CIAO1: variants seen among roughly 807,000 people sequenced by gnomAD.
The protein encoded by CIAO1 is cytosolic iron-sulfur assembly component 1, also known as probable cytosolic iron-sulfur protein assembly protein CIAO1.
In CIAO1, 32 loss-of-function variants were observed where a neutral mutation model predicts 43.1. That is an observed-to-expected ratio of 0.74 (90% CI 0.56 to 1.00). CIAO1 has a LOEUF of 1.00. Ranked by LOEUF, CIAO1 falls within the 50% of genes least tolerant of loss-of-function variation. CIAO1 has a pLI of 0.00. For synonymous variants in CIAO1, 183 were observed against 171.4 expected (o/e 1.07, Z -0.53); for missense variants, 415 against 437.4 (o/e 0.95, Z 0.46).
chr2:96,268,955 T>C (rs566730848), intron 5 of CIAO1: 2 of 565,968 alleles, frequency 3.5e-6, no homozygotes, highest in African/African-American at 3.7e-5. Flanking sequence ...TGGTAATGCA[T>C]TTAAATGGGG....
chr2:96,268,466 T>C lies in CIAO1; in HGVS notation c.499T>C (p.Ser167Pro). The C allele has an allele frequency of 6.2e-7, 1 of 1,614,184 alleles. No individual in the cohort carries two copies. The highest frequency in any genetic ancestry group is 1.3e-5 in the African/African-American group (1 of 75,064). Residue 167 changes from serine to proline, a missense_variant, in exon 5 of 7, where the codon TCT (serine) becomes CCT (proline). Physicochemically the swap from Ser to Pro is moderately conservative, Grantham distance 74. Transcript: ENST00000488633. The part of the protein sequence containing the change: ...VWHPSQELLA[S>P]ASYDDTVKLY... Reference sequence around the variant, plus strand: ...TTCACTCTTCCCCCAGCTCTTAGCTTCTGCCAGCTATGATGACACAGTGAA... The same window carrying C: ...TTCACTCTTCCCCCAGCTCTTAGCTCCTGCCAGCTATGATGACACAGTGAA...
chr2:96,271,226 C>G lies in CIAO1; in HGVS notation c.895C>G (p.His299Asp), dbSNP rs891631677. Residue 299 changes from histidine (H) to aspartate (D), a missense_variant, in exon 7 of 7, where the codon CAT becomes GAT. Coordinates refer to ENST00000488633, the MANE Select transcript of CIAO1 (RefSeq NM_004804.3). The stretch of plus-strand genomic sequence containing the variant: ...CACCTTCTCCCTGACAGCCCACTTG[C>G]ATCAGGCCCATTCCCAGGATGTCAA... Reference protein sequence around the residue: ...QPTFSLTAHLHQAHSQDVNCV... With the variant: ...QPTFSLTAHLDQAHSQDVNCV... 1 of 1,614,274 alleles carries G rather than the reference C, an allele frequency of 6.2e-7. No homozygotes were observed. Among genetic ancestry groups the G allele is most frequent in the Non-Finnish European group, 8.5e-7 (1 of 1,180,044 alleles).
rs772288953 is a variant in CIAO1 at position 96,269,265 on chromosome 2, C to T, written c.692-3C>T. 8.7e-6 allele frequency: 14 copies of T among 1,613,898 alleles called. No individual in the cohort carries two copies. In the Admixed American group the frequency reaches 2.0e-4, roughly 23 times the overall value. ...TTAAGGGCAAGAGAAGTCTGTCTTGCAGGGGTGGCATGCAGCGGCTCTGAC... is the reference window on the plus strand; with the variant it reads ...TTAAGGGCAAGAGAAGTCTGTCTTGTAGGGGTGGCATGCAGCGGCTCTGAC... On this transcript the variant is annotated splice_polypyrimidine_tract_variant and splice_region_variant and intron_variant, in intron 5 of 6. Coordinates refer to ENST00000488633, the MANE Select transcript of CIAO1 (RefSeq NM_004804.3).
At position 96,266,410 on chromosome 2, in the gene CIAO1, G is replaced by T. The variant is rs1573979264; in HGVS notation, c.60G>T (p.Trp20Cys). ...CGGCGCACCCGGACTCCCGCTGCTG[G>T]TTCCTGGCCTGGAACCCCGCGGGGA... ...RVPAHPDSRCWFLAWNPAGTL... is the reference protein window; with the variant it reads ...RVPAHPDSRCCFLAWNPAGTL... Residue 20 changes from tryptophan (W) to cysteine (C), a missense_variant, in exon 1 of 7, where the codon TGG becomes TGT. Transcript: ENST00000488633. 2 of 1,550,630 alleles carry T rather than the reference G, an allele frequency of 1.3e-6. No homozygotes were observed. The highest frequency in any genetic ancestry group is 1.7e-6 in the Non-Finnish European group (2 of 1,144,134).
chr2:96,270,289 G>A (rs1251349748), intron 6 of CIAO1, among the ~76,000 whole-genome samples: 1 of 151,730 alleles, frequency 6.6e-6, no homozygotes, highest in Non-Finnish European at 1.5e-5. Flanking sequence ...AGTGAATCAT[G>A]AGGTCAGGAG....
intron 6 of CIAO1, 37 bp from the exon 7 acceptor site, chr2:96,271,074 T>C: frequency 1.2e-6 from 2 of 1,612,232 alleles, no homozygotes; most frequent in Non-Finnish European, 1.7e-6. Context: ...CTGGCCTAAT[T>C]AGTCAGGTAT....
chr2:96,267,659 T>A lies in CIAO1; in HGVS notation c.323T>A (p.Val108Asp). Residue 108 changes from valine to aspartate, a missense_variant, in exon 3 of 7, where the codon GTC becomes GAC. By Grantham distance (152) the Val-to-Asp change is radical. Transcript: ENST00000488633. ...ACTCTCGAGGGCCATGAAAATGAGG[T>A]CAAGTCAGTGGCTTGGGCCCCATCT... The part of the protein sequence containing the change: ...VTTLEGHENE[V>D]KSVAWAPSGN... The A allele has an allele frequency of 6.2e-7, 1 of 1,614,098 alleles. No individual in the cohort carries two copies. The highest frequency in any genetic ancestry group is 8.5e-7 in the Non-Finnish European group (1 of 1,180,018).
intron 6 of CIAO1, among the ~76,000 whole-genome samples, chr2:96,269,996 A>G (rs1684515095): frequency 6.6e-6 from 1 of 152,110 alleles, no homozygotes; most frequent in African/African-American, 2.4e-5. Flanking sequence ...GGAAGCTGGA[A>G]AAGCTGCACC....
In CIAO1 at chr2:96,271,559, A is replaced by G. The variant is rs1482515478; in HGVS notation, c.*208A>G. 30 of 584,640 alleles carry G rather than the reference A, an allele frequency of 5.1e-5. No individual in the cohort carries two copies. The highest frequency in any genetic ancestry group is 9.0e-6 in the Non-Finnish European group (3 of 334,436). The allele number at this position is 584,640 out of a possible 1,614,324, so 36.2% of individuals were successfully genotyped here. A position where few individuals can be genotyped will look rare whatever the true frequency, so the allele number is the denominator to read the frequency against. On this transcript the variant is annotated 3_prime_UTR_variant, in exon 7 of 7. Coordinates refer to ENST00000488633, the MANE Select transcript of CIAO1 (RefSeq NM_004804.3). Reference sequence around the variant, plus strand: ...CTTCAGTAAAGAGCTACAGAACATGAGTACATTGTTATACCACAGATTTTT... The same window carrying G: ...CTTCAGTAAAGAGCTACAGAACATGGGTACATTGTTATACCACAGATTTTT...
chr2:96,269,476 C>T (rs1684504340), intron 6 of CIAO1, 121 bp downstream of exon 6: 1 of 864,498 alleles, frequency 1.2e-6, no homozygotes. Context: ...CAGCCACCCC[C>T]ATTCCTTATC....
At chr2:96,266,704 G>C (rs572184674) in intron 1 of CIAO1, among the ~76,000 whole-genome samples, 1 of 152,380 alleles carries the variant, frequency 6.6e-6, no homozygotes, top group East Asian at 1.9e-4. Flanking sequence ...AATTGTGTTA[G>C]CTGCAGAGGC....
In CIAO1 at chr2:96,266,273, A is replaced by G. The variant is rs1684426052; in HGVS notation, c.-78A>G. 2.3e-6 allele frequency: 3 copies of G among 1,290,384 alleles called. No homozygotes were observed. The highest frequency in any genetic ancestry group is 2.1e-5 in the South Asian group (1 of 46,812). 79.9% of individuals were successfully genotyped at this position (1,290,384 alleles called of 1,614,324 possible). ...GCCGCGGAAGCCTGGAGTGGGCGGT[A>G]CGCAGACGCGCGCGGTGAGACCCGC... On this transcript the variant is annotated 5_prime_UTR_variant, in exon 1 of 7. Transcript: ENST00000488633.
rs1455821985 is a variant in CIAO1, at chr2:96,273,588, G to A, written c.*2237G>A. 2.7e-5 allele frequency among the ~76,000 whole-genome samples: 4 copies of A among 150,884 alleles called. No homozygotes were observed. Among genetic ancestry groups the A allele is most frequent in the African/African-American group, 7.3e-5 (3 of 40,952 alleles). On this transcript the variant is annotated 3_prime_UTR_variant, in exon 7 of 7. Coordinates refer to ENST00000488633, the MANE Select transcript of CIAO1 (RefSeq NM_004804.3). ...TGAGGCAGGAGAATAGCTTGAACCC[G>A]GGAGGTGGAGGTTGCAGTGAGTCGA...
At chr2:96,268,880 A>G (rs540710099) in intron 5 of CIAO1, 22 of 577,392 alleles carry the variant, frequency 3.8e-5, no homozygotes, top group Non-Finnish European at 6.8e-5. Context: ...TTCACGTGAG[A>G]ATTCAAGTGA....
rs1203366063 is a variant in CIAO1, at chr2:96,268,662, A to G, written c.691+4A>G. On this transcript the variant is annotated splice_donor_region_variant and intron_variant, in intron 5 of 6. Transcript: ENST00000488633. The stretch of plus-strand genomic sequence containing the variant: ...TATCTACCAGGCAATGAACAAGGTG[A>G]GGTCCATTAGTAGAGCTAAAGAAGA... 2 of 1,614,038 alleles carry G rather than the reference A, an allele frequency of 1.2e-6. No homozygotes were observed. Among genetic ancestry groups the G allele is most frequent in the South Asian group, 2.2e-5 (2 of 91,064 alleles).
chr2:96,268,677 G>C lies in CIAO1; in HGVS notation c.691+19G>C. ...GAACAAGGTGAGGTCCATTAGTAGA[G>C]CTAAAGAAGACCCATCTCTCAAGGG... On this transcript the variant is annotated intron_variant, in intron 5 of 6. Transcript: ENST00000488633. 1 of 1,612,872 alleles carries C rather than the reference G, an allele frequency of 6.2e-7. No homozygotes were observed. Among genetic ancestry groups the C allele is most frequent in the Non-Finnish European group, 8.5e-7 (1 of 1,178,942 alleles).
Position 96,266,252 on chromosome 2 carries a change from C to T in CIAO1, c.-99C>T. 1.6e-6 allele frequency: 2 copies of T among 1,237,954 alleles called. No homozygotes were observed. Among genetic ancestry groups the T allele is most frequent in the Non-Finnish European group, 2.0e-6 (2 of 979,574 alleles). 76.7% of individuals were successfully genotyped at this position (1,237,954 alleles called of 1,614,324 possible). ...CGGAAGCGGGAGCCTCTGTCGGCCG[C>T]GGAAGCCTGGAGTGGGCGGTACGCA... On this transcript the variant is annotated 5_prime_UTR_variant, in exon 1 of 7. Transcript: ENST00000488633.
In CIAO1 at chr2:96,269,254, A is replaced by G; in HGVS notation, c.692-14A>G. On this transcript the variant is annotated splice_polypyrimidine_tract_variant and intron_variant, in intron 5 of 6. Coordinates refer to ENST00000488633, the MANE Select transcript of CIAO1 (RefSeq NM_004804.3). ...CATAGGAACGTTTAAGGGCAAGAGA[A>G]GTCTGTCTTGCAGGGGTGGCATGCA... The G allele has an allele frequency of 6.2e-7, 1 of 1,611,930 alleles. No individual in the cohort carries two copies. Among genetic ancestry groups the G allele is most frequent in the East Asian group, 2.2e-5 (1 of 44,884 alleles).
chr2:96,267,799 A>G (rs1301578191), intron 3 of CIAO1, 37 bp from the exon 4 acceptor site: 1 of 1,612,538 alleles, frequency 6.2e-7, no homozygotes, highest in Non-Finnish European at 8.5e-7. Flanking sequence ...TGTCCCTGAC[A>G]GGGTCGGCTC....
Sources: gnomAD v4.1 joint callset for allele counts (sites outside exome capture counted in the v4.1 genomes callset) on GRCh38, gnomAD v4.1.1 for gene constraint, MANE v1.5 for transcripts, NCBI Gene and HGNC (gene_info 2026-07-23, HGNC 2026-07-21) for gene names.